GPR143: variants seen among roughly 807,000 people sequenced by gnomAD.
GPR143 encodes the protein G protein-coupled receptor 143.
GPR143 carries 8 observed loss-of-function variants against 27.6 expected under a neutral mutation model. That is an observed-to-expected ratio of 0.29 (90% CI 0.17 to 0.52). GPR143 has a LOEUF of 0.52. Ranked by LOEUF, GPR143 falls within the 20% of genes least tolerant of loss-of-function variation. The pLI is 0.96. For missense variants in GPR143, 303 were observed against 343.1 expected (o/e 0.88, Z 0.92); for synonymous variants, 156 against 153.2 (o/e 1.02, Z -0.13).
chrX:9,769,495 A>T (rs1380754359), upstream of GPR143, among the ~76,000 whole-genome samples: 2 of 112,461 alleles, frequency 1.8e-5, no homozygotes, highest in East Asian at 2.8e-4. Context: ...CCAGTAGAGG[A>T]GGTGGCTAGG....
chrX:9,735,183 G>A (rs1395807565), intron 8 of GPR143, among the ~76,000 whole-genome samples: 1 of 112,086 alleles, frequency 8.9e-6, no homozygotes, highest in Non-Finnish European at 1.9e-5. Context: ...TTTCTTCCAC[G>A]CCCATGCACT....
At chrX:9,769,392 A>G (rs1372666802), upstream of GPR143, among the ~76,000 whole-genome samples, 1 of 111,132 alleles carries the variant, frequency 9.0e-6, no homozygotes, top group African/African-American at 3.3e-5. Context: ...TTTCTCTCCC[A>G]GGCAGTTTAT....
chrX:9,765,694 C>T lies in GPR143; in HGVS notation c.124G>A (p.Ala42Thr). 1 of 1,106,109 alleles carries T rather than the reference C, an allele frequency of 9.0e-7. No individual in the cohort carries two copies. The highest frequency in any genetic ancestry group is 1.2e-6 in the Non-Finnish European group (1 of 848,247). The allele number at this position is 1,106,109 out of a possible 1,213,427, so 91.2% of individuals were successfully genotyped here. The change falls in exon 1 of 9, where the codon GCG (alanine) becomes ACG (threonine). Residue 42 changes from alanine (A) to threonine (T), a missense_variant. By Grantham distance (58) the Ala-to-Thr change is moderately conservative. Transcript: ENST00000467482. ...LCLGSGGLRLALGLLQLLPGR... is the reference protein window; with the variant it reads ...LCLGSGGLRLTLGLLQLLPGR... ...GGCAGCAGCTGCAGAAGGCCCAGCGCCAAGCGGAGCCCGCCGCTGCCCAGG... is the reference window on the plus strand; with the variant it reads ...GGCAGCAGCTGCAGAAGGCCCAGCGTCAAGCGGAGCCCGCCGCTGCCCAGG...
intron 7 of GPR143, 55 bp from the exon 8 acceptor site, chrX:9,739,774 A>G: frequency 3.7e-6 from 3 of 815,940 alleles, no homozygotes; most frequent in Non-Finnish European, 5.4e-6. Flanking sequence ...CAGAAGTCAG[A>G]GCCCTGGGCT....
At chrX:9,762,598 C>T (rs1176483061) in intron 1 of GPR143, among the ~76,000 whole-genome samples, 1 of 111,617 alleles carries the variant, frequency 9.0e-6, no homozygotes, top group African/African-American at 3.3e-5. Context: ...CTACTAAACA[C>T]ATACCATGTA....
chrX:9,769,157 A>G (rs768706618), upstream of GPR143, among the ~76,000 whole-genome samples: 8 of 112,001 alleles, frequency 7.1e-5, no homozygotes, highest in Non-Finnish European at 1.5e-4. Flanking sequence ...CTTTGAGTAC[A>G]TGAAGGTACA....
chrX:9,726,118 G>A (rs1248881555), intron 8 of GPR143: 1 of 331,690 alleles, frequency 3.0e-6, no homozygotes, highest in Admixed American at 9.4e-5. Flanking sequence ...ATAGGTGACT[G>A]CGGCACAGAT....
intron 5 of GPR143, among the ~76,000 whole-genome samples, chrX:9,744,819 G>A (rs1456208579): frequency 8.9e-6 from 1 of 112,272 alleles, no homozygotes; most frequent in Admixed American, 9.4e-5. Context: ...CCCATGGTCC[G>A]TCCACCCAGA....
In GPR143 at chrX:9,739,715, A is replaced by C; in HGVS notation, c.890T>G (p.Ile297Ser). 5 of 1,135,585 alleles carry C rather than the reference A, an allele frequency of 4.4e-6. No homozygotes were observed. Among genetic ancestry groups the C allele is most frequent in the Non-Finnish European group, 6.0e-6 (5 of 839,928 alleles). The allele number at this position is 1,135,585 out of a possible 1,213,427, so 93.6% of individuals were successfully genotyped here. A position where few individuals can be genotyped will look rare whatever the true frequency, so the allele number is the denominator to read the frequency against. The stretch of plus-strand genomic sequence containing the variant: ...GAGAAATCCCTGGGCTGGATTCAGG[A>C]TTCCCTGGAGAGAGGACAGAAAGAC... ...AAKTTWFIMG[I>S]LNPAQGFLLS... is the part of the protein sequence containing the mutation. Residue 297 changes from isoleucine (I) to serine (S), a missense_variant, in exon 8 of 9, where the codon ATC becomes AGC. Coordinates refer to ENST00000467482, the MANE Select transcript of GPR143 (RefSeq NM_000273.3).
Position 9,741,416 on chromosome X carries a change from A to G in GPR143, c.807T>C (p.Tyr269=). 1 of 1,157,629 alleles carries G rather than the reference A, an allele frequency of 8.6e-7. No individual in the cohort carries two copies. Among genetic ancestry groups the G allele is most frequent in the Non-Finnish European group, 1.2e-6 (1 of 846,036 alleles). ...SNIINESLLF[Y]LEMQTDINGG... Reference sequence around the variant, plus strand: ...CATTGATATCTGTTTGCATCTCAAGATAGAATAAAAGGCTTTCATTGATGA... The same window carrying G: ...CATTGATATCTGTTTGCATCTCAAGGTAGAATAAAAGGCTTTCATTGATGA... Residue 269 remains tyrosine (Y), a synonymous_variant, in exon 7 of 9, where the codon TAT becomes TAC. Coordinates refer to ENST00000467482, the MANE Select transcript of GPR143 (RefSeq NM_000273.3).
intron 3 of GPR143, 63 bp downstream of exon 3, chrX:9,759,269 G>T: frequency 2.9e-6 from 2 of 697,390 alleles, no homozygotes; most frequent in Non-Finnish European, 4.5e-6. Flanking sequence ...AACGCTCAGT[G>T]CCATCTCTTA....
At chrX:9,776,549 C>T (rs372247267) in intron 1 of GPR143, among the ~76,000 whole-genome samples, 2 of 71,604 alleles carry the variant, frequency 2.8e-5, no homozygotes, top group Non-Finnish European at 5.0e-5. Context: ...CCATGCCTAG[C>T]TTTTTTTTTT....
chrX:9,761,614 T>C (rs1423396711), intron 1 of GPR143, among the ~76,000 whole-genome samples: 1 of 61,158 alleles, frequency 1.6e-5, no homozygotes, highest in African/African-American at 4.9e-5. Context: ...GAATATATAG[T>C]TCCTTCATTC....
At chrX:9,728,821 A>G (rs767872113) in intron 8 of GPR143, among the ~76,000 whole-genome samples, 1 of 108,645 alleles carries the variant, frequency 9.2e-6, no homozygotes, top group Admixed American at 9.8e-5. Flanking sequence ...TCAAAAAAAA[A>G]GGCAAGTGCA....
At chrX:9,770,803 A>G (rs2083552150), upstream of GPR143, among the ~76,000 whole-genome samples, 1 of 111,922 alleles carries the variant, frequency 8.9e-6, no homozygotes, top group Non-Finnish European at 1.9e-5. Context: ...CTGTGCTCAG[A>G]TAGCTGCTCT....
At chrX:9,729,508 A>G (rs1345536803) in intron 8 of GPR143, among the ~76,000 whole-genome samples, 1 of 111,813 alleles carries the variant, frequency 8.9e-6, no homozygotes, top group Non-Finnish European at 1.9e-5. Context: ...CTTGAAGTAA[A>G]TTCTGCTGGG....
At chrX:9,771,705 C>CTTTT (rs1288480180) in intron 1 of GPR143, among the ~76,000 whole-genome samples, 1 of 37,688 alleles carries the variant, frequency 2.7e-5, no homozygotes, top group African/African-American at 8.3e-5. Context: ...ATGGAGCATT[C>CTTTT]TCTCTCTTTT....
chrX:9,772,168 T>TC (rs768856525), intron 1 of GPR143, among the ~76,000 whole-genome samples: 2 of 111,761 alleles, frequency 1.8e-5, no homozygotes, highest in Non-Finnish European at 3.8e-5. Context: ...AGACAACAGA[T>TC]AAGGACTGAG....
At chrX:9,769,740 C>A (rs2083546809), upstream of GPR143, among the ~76,000 whole-genome samples, 1 of 110,341 alleles carries the variant, frequency 9.1e-6, no homozygotes, top group African/African-American at 3.3e-5. Context: ...TGCCACCACA[C>A]CTGGCTATTT....
Sources: gnomAD v4.1 joint callset for allele counts (sites outside exome capture counted in the v4.1 genomes callset) on GRCh38, gnomAD v4.1.1 for gene constraint, MANE v1.5 for transcripts, NCBI Gene and HGNC (gene_info 2026-07-23, HGNC 2026-07-21) for gene names.